COG6: variants seen among roughly 807,000 people sequenced by gnomAD.
The protein encoded by COG6 is conserved oligomeric Golgi complex subunit 6.
A neutral mutation model predicts 88.8 loss-of-function variants in COG6; 74 were observed. The observed-to-expected ratio is 0.83, with a 90% CI of 0.69 to 1.01. The LOEUF (loss-of-function observed/expected upper bound fraction) is 1.01, where lower values mean the gene tolerates loss of function less well. Among genes scored for constraint, COG6 ranks in the 50% least tolerant of loss-of-function variants. COG6 has a pLI of 0.00. For missense variants in COG6, 800 were observed against 797.9 expected, an observed-to-expected ratio of 1.00 and a Z score of -0.03; for synonymous variants, 286 against 278.7, an observed-to-expected ratio of 1.03 and a Z score of -0.26.
intron 12 of COG6, among the ~76,000 whole-genome samples, chr13:39,696,624 AGG>A (rs1877288326): frequency 6.6e-6 from 1 of 151,524 alleles, no homozygotes; most frequent in South Asian, 2.1e-4. Flanking sequence ...TGGAAGGAGT[AGG>A]GGGAGATGAA....
chr13:39,777,769 T>C (rs1015290809), intron 18 of COG6, among the ~76,000 whole-genome samples: 13 of 152,336 alleles, frequency 8.5e-5, no homozygotes, highest in African/African-American at 2.6e-4. Context: ...TGAGTAGTTA[T>C]TTCCATTTCC....
At chr13:39,659,531 C>T in intron 2 of COG6, 24 bp downstream of exon 2, 5 of 1,600,558 alleles carry the variant, frequency 3.1e-6, no homozygotes, top group Non-Finnish European at 4.3e-6. Flanking sequence ...TTTCATTTAG[C>T]ATATATTGAG....
intron 2 of COG6, among the ~76,000 whole-genome samples, chr13:39,660,122 G>A (rs1449760267): frequency 1.3e-5 from 2 of 152,100 alleles, no homozygotes; most frequent in East Asian, 3.8e-4. Flanking sequence ...ATAAAAATAG[G>A]TTGTTTTTGA....
chr13:39,755,923 G>A (rs1374351017), downstream of COG6, among the ~76,000 whole-genome samples: 2 of 152,188 alleles, frequency 1.3e-5, no homozygotes, highest in African/African-American at 4.8e-5. Context: ...GTTCATGAAA[G>A]TCACTAAAAT....
chr13:39,713,752 A>G (rs1215867991), intron 13 of COG6, among the ~76,000 whole-genome samples: 1 of 152,162 alleles, frequency 6.6e-6, no homozygotes, highest in Non-Finnish European at 1.5e-5. Context: ...AAAGAAAAAG[A>G]AATATAGACT....
At position 39,677,503 on chromosome 13, in the gene COG6, C is replaced by T. The variant is rs1387690517; in HGVS notation, c.464C>T (p.Ala155Val). The change falls in exon 5 of 19, where the codon GCC becomes GTC. Residue 155 changes from alanine (A) to valine (V), a missense_variant. Ala to Val is a moderately conservative substitution (Grantham distance 64, BLOSUM62 0). Transcript: ENST00000455146. Reference sequence around the variant, plus strand: ...GAGATAAGAGCTCAAGTTGCAGATGCCTTCTTATCCAAGTTCCAACTGACT... The same window carrying T: ...GAGATAAGAGCTCAAGTTGCAGATGTCTTCTTATCCAAGTTCCAACTGACT... ...KLEIRAQVAD[A>V]FLSKFQLTSD... 1.2e-6 allele frequency: 2 copies of T among 1,612,860 alleles called. No homozygotes were observed. Among genetic ancestry groups the T allele is most frequent in the Admixed American group, 1.7e-5 (1 of 59,928 alleles).
intron 4 of COG6, among the ~76,000 whole-genome samples, chr13:39,672,132 T>C (rs1875684294): frequency 6.6e-6 from 1 of 152,024 alleles, no homozygotes; most frequent in Admixed American, 6.6e-5. Flanking sequence ...AGTGTGCATA[T>C]ATACTTAACT....
intron 5 of COG6, 120 bp downstream of exon 5, chr13:39,677,699 G>A (rs1876056908): frequency 3.4e-6 from 2 of 592,234 alleles, no homozygotes; most frequent in Admixed American, 3.2e-5. Flanking sequence ...ATATTTTTAT[G>A]TTTGGAAATT....
chr13:39,728,424 A>G (rs551934703), intron 18 of COG6, among the ~76,000 whole-genome samples: 45 of 151,998 alleles, frequency 3.0e-4, no homozygotes, highest in African/African-American at 1.1e-3. Flanking sequence ...TTAACTCACC[A>G]TGCAGAATTT....
intron 3 of COG6, chr13:39,663,921 A>G: frequency 6.6e-6 from 1 of 152,168 alleles, no homozygotes; most frequent in South Asian, 2.1e-4. Context: ...AGGGATATGC[A>G]AAATTATCTA....
At chr13:39,700,920 A>G (rs746732731) in intron 13 of COG6, among the ~76,000 whole-genome samples, 63 of 151,956 alleles carry the variant, frequency 4.1e-4, no homozygotes, top group Non-Finnish European at 8.2e-4. Flanking sequence ...AGGAGTGCAT[A>G]GAGGTCATCT....
rs9603614 is a variant in COG6 at position 39,782,284 on chromosome 13, A to C, written c.1827-6051A>C. ...TAGAGGTACCCTTCTATCTGAAACAACCGAAAATCTGAAAAAACTATGAAA... is the reference window on the plus strand; with the variant it reads ...TAGAGGTACCCTTCTATCTGAAACACCCGAAAATCTGAAAAAACTATGAAA... On this transcript the variant is annotated intron_variant, in intron 18 of 18. Coordinates refer to the COG6 transcript ENST00000416691. 3.4e-3 allele frequency among the ~76,000 whole-genome samples: 511 copies of C among 152,340 alleles called. 5 individuals are homozygous for C. Among genetic ancestry groups the C allele is most frequent in the African/African-American group, 0.012 (497 of 41,570 alleles).
intron 18 of COG6, among the ~76,000 whole-genome samples, chr13:39,742,396 G>A (rs986969238): frequency 1.3e-5 from 2 of 152,044 alleles, no homozygotes; most frequent in African/African-American, 2.4e-5. Context: ...TCAAAATAAA[G>A]GGATGGAGGA....
intron 11 of COG6, 69 bp downstream of exon 11, chr13:39,689,893 T>C: frequency 1.0e-6 from 1 of 958,484 alleles, no homozygotes; most frequent in South Asian, 1.4e-5. Context: ...TATAGAAACT[T>C]AAGAAACTGA....
intron 18 of COG6, among the ~76,000 whole-genome samples, chr13:39,760,366 G>A (rs758869827): frequency 3.3e-5 from 5 of 152,142 alleles, no homozygotes; most frequent in South Asian, 4.2e-4. Flanking sequence ...GTTGCCATAC[G>A]TATTTAATTG....
rs748386970 is a variant in COG6 at position 39,665,096 on chromosome 13, G to T, written c.370G>T (p.Ala124Ser). The stretch of plus-strand genomic sequence containing the variant: ...ATATTAGATATGTTTATAATTTTAG[G>T]CAGCAAAGGAACAGACTCAAGATTT... ...CCQDMTSRLQ[A>S]AKEQTQDLIV... The change falls in exon 4 of 19, where the codon GCA (alanine) becomes TCA (serine). Residue 124 changes from alanine to serine, a missense_variant and splice_region_variant. By Grantham distance (99) the Ala-to-Ser change is moderately conservative. Coordinates refer to ENST00000455146, the MANE Select transcript of COG6 (RefSeq NM_020751.3). 7.1e-7 allele frequency: 1 copy of T among 1,415,112 alleles called. No homozygotes were observed. Among genetic ancestry groups the T allele is most frequent in the South Asian group, 1.2e-5 (1 of 85,884 alleles). The allele number at this position is 1,415,112 out of a possible 1,614,324, so 87.7% of individuals were successfully genotyped here. A position where few individuals can be genotyped will look rare whatever the true frequency, so the allele number is the denominator to read the frequency against.
chr13:39,747,998 T>G (rs559508401), intron 18 of COG6, among the ~76,000 whole-genome samples: 1 of 152,312 alleles, frequency 6.6e-6, no homozygotes, highest in South Asian at 2.1e-4. Context: ...AATAGCCTTA[T>G]TTTTGTGTAC....
chr13:39,783,940 T>C (rs533554756), intron 18 of COG6, among the ~76,000 whole-genome samples: 4 of 152,192 alleles, frequency 2.6e-5, no homozygotes, highest in Non-Finnish European at 5.9e-5. Flanking sequence ...TTTTTCATTC[T>C]AGCCTACAGG....
intron 18 of COG6, among the ~76,000 whole-genome samples, chr13:39,773,044 G>A (rs571415988): frequency 1.1e-3 from 160 of 152,280 alleles, no homozygotes; most frequent in African/African-American, 3.2e-3. Context: ...GTCGAGAATC[G>A]GAAGGGCTTT....
Sources: allele counts gnomAD v4.1 joint callset (sites outside exome capture counted in the v4.1 genomes callset), GRCh38; gene constraint gnomAD v4.1.1; transcripts MANE v1.5; gene names NCBI Gene and HGNC (gene_info 2026-07-23, HGNC 2026-07-21).